WEE2: variants seen among roughly 807,000 people sequenced by gnomAD.
WEE2 encodes WEE2 oocyte meiosis inhibiting kinase.
WEE2 carries 50 observed loss-of-function variants against 60.1 expected under a neutral mutation model. The ratio of observed to expected loss-of-function variants is 0.83; its 90% CI spans 0.66 to 1.05. WEE2 has a LOEUF of 1.05. Ranked by LOEUF, WEE2 falls within the 50% of genes least tolerant of loss-of-function variation. The pLI, the probability that WEE2 is intolerant of heterozygous loss-of-function variation, is 0.00. For synonymous variants in WEE2, 240 were observed against 241.0 expected, an observed-to-expected ratio of 1.00 and a Z score of 0.04; for missense variants, 631 against 684.3, an observed-to-expected ratio of 0.92 and a Z score of 0.87.
intron 3 of WEE2, 79 bp from the exon 4 acceptor site, chr7:141,718,993 A>G (rs1798855569): frequency 1.4e-6 from 2 of 1,409,006 alleles, no homozygotes; most frequent in Non-Finnish European, 1.9e-6. Flanking sequence ...GGAGCAACTT[A>G]GGACTGTAAT....
chr7:141,719,311 T>C (rs891485715), intron 4 of WEE2, 67 bp downstream of exon 4: 169 of 1,425,690 alleles, frequency 1.2e-4, no homozygotes, highest in Non-Finnish European at 1.5e-4. Context: ...TGTCAAATTA[T>C]TTTAAATTAA....
rs553878912 is a variant in WEE2, at chr7:141,724,933, T to C, written c.1222-93T>C. On this transcript the variant is annotated intron_variant, in intron 8 of 11. Coordinates refer to ENST00000397541, the MANE Select transcript of WEE2 (RefSeq NM_001105558.1). Reference sequence around the variant, plus strand: ...CCGTCGTGTCTGTTTAAACCTTATATGCACTCGAATGAACCTTTCCTACCA... The same window carrying C: ...CCGTCGTGTCTGTTTAAACCTTATACGCACTCGAATGAACCTTTCCTACCA... 199 of 1,400,476 alleles carry C rather than the reference T, an allele frequency of 1.4e-4. No individual in the cohort carries two copies. In the African/African-American group the frequency reaches 2.6e-3, roughly 18 times the overall value. The allele number at this position is 1,400,476 out of a possible 1,614,324, so 86.8% of individuals were successfully genotyped here. A position where few individuals can be genotyped will look rare whatever the true frequency, so the allele number is the denominator to read the frequency against.
At chr7:141,713,745 G>C (rs1484954521) in intron 1 of WEE2, among the ~76,000 whole-genome samples, 1 of 152,180 alleles carries the variant, frequency 6.6e-6, no homozygotes, top group African/African-American at 2.4e-5. Context: ...TTAAGATTTA[G>C]AATTCACTTC....
At chr7:141,726,420 C>A (rs1799019475) in intron 9 of WEE2, among the ~76,000 whole-genome samples, 1 of 152,078 alleles carries the variant, frequency 6.6e-6, no homozygotes, top group South Asian at 2.1e-4. Flanking sequence ...AGCTGGACTG[C>A]AGGTGTGGGA....
Position 141,719,150 on chromosome 7 carries a change from G to C in WEE2, c.664G>C (p.Glu222Gln). The C allele has an allele frequency of 6.2e-7, 1 of 1,614,066 alleles. No homozygotes were observed. Among genetic ancestry groups the C allele is most frequent in the East Asian group, 2.2e-5 (1 of 44,862 alleles). Reference sequence around the variant, plus strand: ...GGAGGTTGAAAAAATTGGGGTTGGCGAATTTGGTACAGTCTACAAGTGCAT... The same window carrying C: ...GGAGGTTGAAAAAATTGGGGTTGGCCAATTTGGTACAGTCTACAAGTGCAT... ...FLEVEKIGVGEFGTVYKCIKR... is the reference protein window; with the variant it reads ...FLEVEKIGVGQFGTVYKCIKR... Residue 222 changes from glutamate to glutamine, a missense_variant, in exon 4 of 12, where the codon GAA becomes CAA. By Grantham distance (29) the Glu-to-Gln change is conservative. Coordinates refer to ENST00000397541, the MANE Select transcript of WEE2 (RefSeq NM_001105558.1).
chr7:141,708,863 G>A lies in WEE2; in HGVS notation c.105G>A (p.Glu35=), dbSNP rs777614689. Reference sequence around the variant, plus strand: ...AGAAGAAAGTAGAAGAAAGCAGGGAGGCTTCGAGCCAAACCCCAGAGAAGG... The same window carrying A: ...AGAAGAAAGTAGAAGAAAGCAGGGAAGCTTCGAGCCAAACCCCAGAGAAGG... ...EGQKKVEESR[E]ASSQTPEKGE... is the part of the protein sequence containing the mutation. Residue 35 remains glutamate, a synonymous_variant, in exon 1 of 12, where the codon GAG becomes GAA. Coordinates refer to ENST00000397541, the MANE Select transcript of WEE2 (RefSeq NM_001105558.1). The A allele has an allele frequency of 6.2e-7, 1 of 1,614,170 alleles. No individual in the cohort carries two copies. Among genetic ancestry groups the A allele is most frequent in the Non-Finnish European group, 8.5e-7 (1 of 1,180,038 alleles).
In WEE2 at chr7:141,731,269, T is replaced by C. The variant is rs537965948; in HGVS notation, c.*949T>C. Reference sequence around the variant, plus strand: ...AATTGAATAAACCCTAATACTATTCTTTGTTCTGCTTTGGAGTAGCAGTTC... The same window carrying C: ...AATTGAATAAACCCTAATACTATTCCTTGTTCTGCTTTGGAGTAGCAGTTC... On this transcript the variant is annotated 3_prime_UTR_variant, in exon 12 of 12. Coordinates refer to ENST00000397541, the MANE Select transcript of WEE2 (RefSeq NM_001105558.1). 1.5e-4 allele frequency: 23 copies of C among 152,320 alleles called. No individual in the cohort carries two copies. In the South Asian group the frequency reaches 4.6e-3, roughly 30 times the overall value. 9.4% of individuals were successfully genotyped at this position (152,320 alleles called of 1,614,324 possible). A position where few individuals can be genotyped will look rare whatever the true frequency, so the allele number is the denominator to read the frequency against.
chr7:141,709,505 T>A (rs79978385), intron 1 of WEE2, among the ~76,000 whole-genome samples: 282 of 152,348 alleles, frequency 1.9e-3, no homozygotes, highest in African/African-American at 6.3e-3. Flanking sequence ...ACTAGAAACC[T>A]GATCTTTTTG....
At chr7:141,720,526 C>T (rs1798891371) in intron 4 of WEE2, among the ~76,000 whole-genome samples, 1 of 152,124 alleles carries the variant, frequency 6.6e-6, no homozygotes, top group Non-Finnish European at 1.5e-5. Context: ...ATCTGGTGTA[C>T]AGTGGCCTTC....
chr7:141,709,399 T>A (rs190421354), intron 1 of WEE2, among the ~76,000 whole-genome samples: 185 of 152,256 alleles, frequency 1.2e-3, no homozygotes, highest in African/African-American at 4.2e-3. Flanking sequence ...GGAAGGAATA[T>A]TGAGATTTAG....
intron 5 of WEE2, among the ~76,000 whole-genome samples, chr7:141,721,454 T>G (rs1441079850): frequency 6.6e-6 from 1 of 151,936 alleles, no homozygotes; most frequent in Non-Finnish European, 1.5e-5. Context: ...TGTCTTGGAG[T>G]GACTTCATTT....
chr7:141,721,554 G>C (rs1433526842), intron 5 of WEE2, among the ~76,000 whole-genome samples: 3 of 152,012 alleles, frequency 2.0e-5, no homozygotes, highest in Non-Finnish European at 4.4e-5. Context: ...CACCTCCTGG[G>C]TTCAAGCAAT....
intron 6 of WEE2, 75 bp downstream of exon 6, chr7:141,723,355 T>G: frequency 6.6e-7 from 1 of 1,511,062 alleles, no homozygotes; most frequent in East Asian, 2.3e-5. Flanking sequence ...TAGGTCTGTA[T>G]GTCTATCAAG....
At chr7:141,714,925 C>A (rs1798771444) in intron 2 of WEE2, among the ~76,000 whole-genome samples, 1 of 152,064 alleles carries the variant, frequency 6.6e-6, no homozygotes, top group African/African-American at 2.4e-5. Context: ...CATAAAGGGC[C>A]CTGAATGACA....
intron 10 of WEE2, 125 bp from the exon 11 acceptor site, chr7:141,729,406 T>C: frequency 7.6e-7 from 1 of 1,318,354 alleles, no homozygotes; most frequent in East Asian, 2.3e-5. Context: ...ATTCTGTACA[T>C]AGCTCAGGCT....
intron 5 of WEE2, 128 bp from the exon 6 acceptor site, chr7:141,723,006 T>G: frequency 8.3e-7 from 1 of 1,205,020 alleles, no homozygotes; most frequent in Non-Finnish European, 1.2e-6. Context: ...TCTTGGGCAT[T>G]TGGGGCTTTG....
intron 1 of WEE2, among the ~76,000 whole-genome samples, chr7:141,709,903 G>T (rs960776432): frequency 6.6e-6 from 1 of 152,100 alleles, no homozygotes; most frequent in African/African-American, 2.4e-5. Context: ...TCCTAGGATT[G>T]GTATTAGCTC....
At chr7:141,719,797 T>C (rs1221728716) in intron 4 of WEE2, among the ~76,000 whole-genome samples, 1 of 152,208 alleles carries the variant, frequency 6.6e-6, no homozygotes, top group South Asian at 2.1e-4. Flanking sequence ...TGGCTTTTAC[T>C]TTCTACTGCT....
At chr7:141,721,908 G>A (rs886954307) in intron 5 of WEE2, among the ~76,000 whole-genome samples, 2 of 152,096 alleles carry the variant, frequency 1.3e-5, no homozygotes, top group African/African-American at 4.8e-5. Flanking sequence ...TTTCCGAAAC[G>A]AGCTAAATTT....
Sources: gnomAD v4.1 joint callset for allele counts (sites outside exome capture counted in the v4.1 genomes callset) on GRCh38, gnomAD v4.1.1 for gene constraint, MANE v1.5 for transcripts, NCBI Gene and HGNC (gene_info 2026-07-23, HGNC 2026-07-21) for gene names.